The following VEZF1 variants were observed in gnomAD, a reference collection of about 807,000 sequenced individuals.
VEZF1 encodes putative transcription factor DB1.
Under a neutral mutation model 44.1 loss-of-function variants are expected in VEZF1, and 5 were observed. The ratio of observed to expected loss-of-function variants is 0.11; its 90% CI spans 0.06 to 0.24. The LOEUF is 0.24. Ranked by LOEUF, VEZF1 falls within the 10% of genes least tolerant of loss-of-function variation. The pLI is 1.00. For synonymous variants in VEZF1, 236 were observed against 233.1 expected (o/e 1.01, Z -0.11); for missense variants, 358 against 641.8 (o/e 0.56, Z 4.78).
chr17:57,987,668 C>A (rs1274859141), intron 1 of VEZF1, among the ~76,000 whole-genome samples: 1 of 152,102 alleles, frequency 6.6e-6, no homozygotes, highest in Non-Finnish European at 1.5e-5. Flanking sequence ...ACCTCCTCAC[C>A]CCACCGTGGG....
intron 2 of VEZF1, among the ~76,000 whole-genome samples, chr17:57,982,418 G>A (rs755403067): frequency 3.3e-5 from 5 of 152,098 alleles, no homozygotes; most frequent in African/African-American, 7.2e-5. Context: ...GAAAACTGGT[G>A]GTTTTGCAGT....
intron 4 of VEZF1, among the ~76,000 whole-genome samples, chr17:57,979,576 C>CT (rs2075227314): frequency 6.7e-6 from 1 of 150,032 alleles, no homozygotes; most frequent in African/African-American, 2.5e-5. Context: ...AAGCAAGTGT[C>CT]TTTAAAAATG....
chr17:57,982,152 T>A (rs1189216357), intron 2 of VEZF1, among the ~76,000 whole-genome samples: 1 of 152,208 alleles, frequency 6.6e-6, no homozygotes, highest in Non-Finnish European at 1.5e-5. Context: ...CTAGTCAACA[T>A]CAAATCATAT....
In VEZF1 at chr17:57,983,028, T is replaced by C. The variant is rs771595186; in HGVS notation, c.399A>G (p.Ala133=). The C allele has an allele frequency of 1.9e-6, 3 of 1,614,074 alleles. No homozygotes were observed. Among genetic ancestry groups the C allele is most frequent in the East Asian group, 2.2e-5 (1 of 44,896 alleles). ...ATGTAGTGACTGTTGACAAGATGCC[T>C]GCAATGGTCGAGACCAACGAAGTTC... ...SSRTSLVSTI[A]GILSTVTTSS... The change falls in exon 2 of 6, where the codon GCA becomes GCG. Residue 133 remains alanine (A), a synonymous_variant. Transcript: ENST00000581208.
At chr17:57,984,784 G>C (rs2075280495) in intron 1 of VEZF1, among the ~76,000 whole-genome samples, 1 of 152,178 alleles carries the variant, frequency 6.6e-6, no homozygotes, top group Non-Finnish European at 1.5e-5. Context: ...CCTGGAACTA[G>C]TCTCCCCCAA....
intron 5 of VEZF1, among the ~76,000 whole-genome samples, chr17:57,976,016 C>T (rs762474371): frequency 6.6e-6 from 1 of 152,110 alleles, no homozygotes. Context: ...CCAGGCTGGT[C>T]TCCTCCTAGG....
In VEZF1 at chr17:57,985,295, T is replaced by C. The variant is rs1226464500; in HGVS notation, c.34-1902A>G. On this transcript the variant is annotated intron_variant, in intron 1 of 5. Transcript: ENST00000581208. ...CAGATGTCTGTGGCAACATAAAGTA[T>C]TTTTACAGCATTGCTGAAGCTCACT... The C allele has an allele frequency of 2.4e-6, 3 of 1,231,512 alleles. No homozygotes were observed. In the African/African-American group the frequency reaches 4.7e-5, roughly 19 times the overall value. The allele number at this position is 1,231,512 out of a possible 1,614,324, so 76.3% of individuals were successfully genotyped here.
intron 1 of VEZF1, chr17:57,985,477 A>G: frequency 6.6e-6 from 8 of 1,212,550 alleles, no homozygotes; most frequent in Non-Finnish European, 8.2e-6. Context: ...TGGGGGAGAG[A>G]CAGAGTAAAA....
chr17:57,980,548 T>C (rs1461650493), intron 4 of VEZF1, 55 bp downstream of exon 4: 3 of 1,511,692 alleles, frequency 2.0e-6, no homozygotes, highest in South Asian at 1.1e-5. Context: ...TATGAAAACA[T>C]GCATATTTCA....
At chr17:57,985,100 A>G (rs541703615) in intron 1 of VEZF1, among the ~76,000 whole-genome samples, 21 of 150,230 alleles carry the variant, frequency 1.4e-4, no homozygotes, top group Non-Finnish European at 2.8e-4. Flanking sequence ...AATAGTTAAT[A>G]GCTGAAGATA....
intron 3 of VEZF1, among the ~76,000 whole-genome samples, chr17:57,981,350 T>C (rs1464825091): frequency 2.0e-5 from 3 of 152,352 alleles, no homozygotes; most frequent in Non-Finnish European, 4.4e-5. Flanking sequence ...AGTCATTTGA[T>C]TTAGCAAAAT....
chr17:57,985,144 C>A, intron 1 of VEZF1: 1 of 613,606 alleles, frequency 1.6e-6, no homozygotes, highest in Non-Finnish European at 2.4e-6. Context: ...GCTAACAGAT[C>A]AGATAATAGG....
At chr17:57,978,573 C>T (rs372572391) in intron 5 of VEZF1, among the ~76,000 whole-genome samples, 5 of 152,094 alleles carry the variant, frequency 3.3e-5, no homozygotes, top group East Asian at 3.8e-4. Flanking sequence ...TAAACAATTA[C>T]AGTAAAGTCC....
chr17:57,980,506 A>G, intron 4 of VEZF1, 97 bp downstream of exon 4: 1 of 1,218,064 alleles, frequency 8.2e-7, no homozygotes, highest in Non-Finnish European at 1.2e-6. Flanking sequence ...AGGAGGAAAC[A>G]CGTAAGGTGA....
chr17:57,987,199 G>A (rs1026246457), intron 1 of VEZF1, among the ~76,000 whole-genome samples: 9 of 152,304 alleles, frequency 5.9e-5, no homozygotes, highest in Admixed American at 5.9e-4. Flanking sequence ...CTTGGTTGGA[G>A]GAAACGTTCG....
chr17:57,982,874 C>G lies in VEZF1; in HGVS notation c.553G>C (p.Asp185His). The G allele has an allele frequency of 6.2e-7, 1 of 1,614,144 alleles. No homozygotes were observed. The highest frequency in any genetic ancestry group is 8.5e-7 in the Non-Finnish European group (1 of 1,180,024). ...TTGTGTCGATTGAGATGGTACACAT[C>G]TCGGAAGGCCTTCCCACACATCTCA... ...ACEMCGKAFR[D>H]VYHLNRHKLS... The change falls in exon 2 of 6, where the codon GAT (aspartate) becomes CAT (histidine). Residue 185 changes from aspartate to histidine, a missense_variant. By Grantham distance (81) the Asp-to-His change is moderately conservative. Around this residue, in one of 4 missense-constraint regions of VEZF1, gnomAD observed 117 missense variants for 207.2 expected, o/e 0.56. Coordinates refer to ENST00000581208, the MANE Select transcript of VEZF1 (RefSeq NM_007146.3).
chr17:57,979,811 A>G (rs943062595), intron 4 of VEZF1, among the ~76,000 whole-genome samples: 1 of 152,046 alleles, frequency 6.6e-6, no homozygotes. Flanking sequence ...ATACAAAAAA[A>G]GTAGCAAAGG....
At chr17:57,983,640 A>G (rs2075270998) in intron 1 of VEZF1, among the ~76,000 whole-genome samples, 1 of 152,238 alleles carries the variant, frequency 6.6e-6, no homozygotes, top group African/African-American at 2.4e-5. Context: ...ACAGCTGACT[A>G]AACTACACAC....
rs57786397 is a variant in VEZF1, at chr17:57,979,243, TTGC to T, written c.1044_1046del (p.Gln354del). Reference sequence around the variant, plus strand: ...TTGTCACATGTTGTTGTTGTTGTTGTTGCTGCTGCTGCTGCTGCTGCTGCTGCT... The same window carrying T: ...TTGTCACATGTTGTTGTTGTTGTTGTTGCTGCTGCTGCTGCTGCTGCTGCT... On this transcript the variant is annotated inframe_deletion, in exon 5 of 6. Transcript: ENST00000581208. 18,575 of 1,584,348 alleles carry T rather than the reference TTGC, an allele frequency of 0.012. 272 individuals are homozygous for T. The highest frequency in any genetic ancestry group is 0.082 in the African/African-American group (6,020 of 73,246).
Sources: gnomAD v4.1 joint callset for allele counts (sites outside exome capture counted in the v4.1 genomes callset) on GRCh38, gnomAD v4.1.1 for gene constraint, gnomAD v4.1.1 regional missense constraint, MANE v1.5 for transcripts, NCBI Gene and HGNC (gene_info 2026-07-23, HGNC 2026-07-21) for gene names.